The following TNC variants were observed in gnomAD, a reference collection of about 807,000 sequenced individuals.
The protein encoded by TNC is tenascin C, also known as tenascin.
Under a neutral mutation model 202.4 loss-of-function variants are expected in TNC, and 109 were observed. The ratio of observed to expected loss-of-function variants is 0.54; its 90% CI spans 0.46 to 0.63. The LOEUF is 0.63. Among genes scored for constraint, TNC ranks in the 30% least tolerant of loss-of-function variants. TNC has a pLI of 0.00. For missense variants in TNC, 2,756 were observed against 2,833.3 expected (o/e 0.97, Z 0.62); for synonymous variants, 1,007 against 1,089.7 (o/e 0.92, Z 1.50).
chr9:115,078,977 T>A (rs947087954), intron 6 of TNC, among the ~76,000 whole-genome samples: 10 of 152,226 alleles, frequency 6.6e-5, no homozygotes, highest in Non-Finnish European at 1.2e-4. Context: ...TGTCTCCTAA[T>A]GAGAAGCCTT....
rs1429925203 is a variant in TNC, at chr9:115,024,006, C to T, written c.6462G>A (p.Leu2154=). The T allele has an allele frequency of 6.2e-7, 1 of 1,614,000 alleles. No individual in the cohort carries two copies. Among genetic ancestry groups the T allele is most frequent in the East Asian group, 2.2e-5 (1 of 44,904 alleles). ...FWYRNCHRVN[L]MGRYGDNNHS... is the part of the protein sequence containing the mutation. The stretch of plus-strand genomic sequence containing the variant: ...GGTTATTGTCCCCATATCTCCCCAT[C>T]AGGTTGACACGGTGACAGTTCCTGT... Residue 2154 remains leucine (L), a synonymous_variant, in exon 27 of 28, where the codon CTG becomes CTA. Transcript: ENST00000350763.
At chr9:115,092,030 C>T (rs1835273216) in intron 1 of TNC, among the ~76,000 whole-genome samples, 1 of 152,082 alleles carries the variant, frequency 6.6e-6, no homozygotes, top group African/African-American at 2.4e-5. Flanking sequence ...AATATAAGAC[C>T]AAGTGTATAC....
chr9:115,029,405 C>A lies in TNC; in HGVS notation c.6124G>T (p.Ala2042Ser). ...GRENFYQNWK[A>S]YAAGFGDRRE... ...CGGTCCCCAAATCCAGCAGCATATG[C>A]CTTCCAGTTTTGGTAGAAGTTCTCG... is the stretch of plus-strand genomic sequence containing the variant. Residue 2042 changes from alanine (A) to serine (S), a missense_variant, in exon 25 of 28, where the codon GCA becomes TCA. By Grantham distance (99) the Ala-to-Ser change is moderately conservative (BLOSUM62 1). Transcript: ENST00000350763. 1.2e-6 allele frequency: 2 copies of A among 1,614,130 alleles called. No homozygotes were observed. The highest frequency in any genetic ancestry group is 8.5e-7 in the Non-Finnish European group (1 of 1,180,018).
At chr9:115,107,667 A>G (rs1453907877) in intron 1 of TNC, among the ~76,000 whole-genome samples, 1 of 152,128 alleles carries the variant, frequency 6.6e-6, no homozygotes, top group Non-Finnish European at 1.5e-5. Flanking sequence ...TTGAATCCTG[A>G]TTTATTTGTG....
At chr9:115,101,254 C>T (rs752474446) in intron 1 of TNC, among the ~76,000 whole-genome samples, 1 of 152,190 alleles carries the variant, frequency 6.6e-6, no homozygotes, top group Non-Finnish European at 1.5e-5. Context: ...CTCTGTTGCC[C>T]AGGCTGGAGT....
At chr9:115,030,140 A>G in intron 24 of TNC, 114 bp downstream of exon 24, 1 of 1,136,412 alleles carries the variant, frequency 8.8e-7, no homozygotes, top group Admixed American at 2.3e-5. Context: ...GCAAGGCCTC[A>G]CACATGGGGG....
intron 6 of TNC, among the ~76,000 whole-genome samples, chr9:115,078,619 A>C (rs943230372): frequency 7.2e-5 from 11 of 152,138 alleles, no homozygotes; most frequent in African/African-American, 2.2e-4. Context: ...TTAATTAGGC[A>C]AAACTTCCTG....
At chr9:115,046,011 T>C (rs1323346367) in intron 17 of TNC, among the ~76,000 whole-genome samples, 1 of 151,864 alleles carries the variant, frequency 6.6e-6, no homozygotes, top group Non-Finnish European at 1.5e-5. Flanking sequence ...AATGATGAGA[T>C]ATGATATGAT....
intron 12 of TNC, 147 bp downstream of exon 12, chr9:115,063,649 G>T: frequency 1.1e-6 from 1 of 905,540 alleles, no homozygotes; most frequent in Non-Finnish European, 1.6e-6. Context: ...AATAAGGGAT[G>T]TGACATTTAG....
At chr9:115,041,973 C>T (rs1830790455) in intron 18 of TNC, among the ~76,000 whole-genome samples, 1 of 152,160 alleles carries the variant, frequency 6.6e-6, no homozygotes, top group African/African-American at 2.4e-5. Context: ...AGATCTATTT[C>T]TCATAGAATT....
chr9:115,036,168 T>C lies in TNC; in HGVS notation c.5586A>G (p.Glu1862=). 6.2e-7 allele frequency: 1 copy of C among 1,614,150 alleles called. No homozygotes were observed. Among genetic ancestry groups the C allele is most frequent in the South Asian group, 1.1e-5 (1 of 91,078 alleles). The change falls in exon 21 of 28, where the codon GAA becomes GAG. Residue 1862 remains glutamate, a synonymous_variant. Coordinates refer to ENST00000350763, the MANE Select transcript of TNC (RefSeq NM_002160.4). Reference sequence around the variant, plus strand: ...TCTCTGCAAAGATTCTCAGTGTGTATTCCGTGGCAGGCTCGAGGTCGGTCA... The same window carrying C: ...TCTCTGCAAAGATTCTCAGTGTGTACTCCGTGGCAGGCTCGAGGTCGGTCA... ...YALTDLEPAT[E]YTLRIFAEKG...
rs777308252 is a variant in TNC, at chr9:115,095,492, GTA to G, written c.-136-4340_-136-4339del. 5.0e-4 allele frequency among the ~76,000 whole-genome samples: 6 copies of G among 12,114 alleles called. 1 individual carries two copies. The highest frequency in any genetic ancestry group is 1.8e-3 in the Admixed American group (1 of 556). 7.9% of individuals were successfully genotyped at this position (12,114 alleles called of 152,430 possible). A position where few individuals can be genotyped will look rare whatever the true frequency, so the allele number is the denominator to read the frequency against. ...TATGTATATATATGTATATATATAT[GTA>G]TATATATGTATATATATATGTATAT... is the stretch of plus-strand genomic sequence containing the variant. On this transcript the variant is annotated intron_variant, in intron 1 of 27. Transcript: ENST00000350763.
chr9:115,112,383 C>G (rs1474554558), intron 1 of TNC, among the ~76,000 whole-genome samples: 1 of 152,182 alleles, frequency 6.6e-6, no homozygotes, highest in East Asian at 1.9e-4. Flanking sequence ...AATAAAATTT[C>G]ATGAGGAGGC....
rs532775724 is a variant in TNC at position 115,026,573 on chromosome 9, G to A, written c.6292C>T (p.Arg2098Cys). ...TACCCCTCCACCTTCAGCTTGTAGCGAGTCTTGGCATCTCCCACGCTGAAC... is the reference window on the plus strand; with the variant it reads ...TACCCCTCCACCTTCAGCTTGTAGCAAGTCTTGGCATCTCCCACGCTGAAC... ...DKFSVGDAKT[R>C]YKLKVEGYSG... The change falls in exon 26 of 28, where the codon CGC (arginine) becomes TGC (cysteine). Residue 2098 changes from arginine to cysteine, a missense_variant. Transcript: ENST00000350763. 13 of 1,614,016 alleles carry A rather than the reference G, an allele frequency of 8.1e-6. No homozygotes were observed. Among genetic ancestry groups the A allele is most frequent in the Admixed American group, 5.0e-5 (3 of 60,010 alleles).
At chr9:115,082,614 A>T (rs1012940541) in intron 5 of TNC, 78 bp downstream of exon 5, 2 of 1,012,858 alleles carry the variant, frequency 2.0e-6, no homozygotes, top group African/African-American at 3.2e-5. Flanking sequence ...AAATTAGTTG[A>T]TACAGAAGTC....
At position 115,027,024 on chromosome 9, in the gene TNC, G is replaced by A. The variant is rs10982500; in HGVS notation, c.6170-329C>T. ...CTTGGGAGGCTGAGGCAGGAGAATC[G>A]CTTGAACCCGAGAGGCAGAAGTTGC... is the stretch of plus-strand genomic sequence containing the variant. On this transcript the variant is annotated intron_variant, in intron 25 of 27. Coordinates refer to ENST00000350763, the MANE Select transcript of TNC (RefSeq NM_002160.4). Among the ~76,000 whole-genome samples, 9 of 151,418 alleles carry A rather than the reference G, an allele frequency of 5.9e-5. No individual in the cohort carries two copies. The South Asian group carries it at 8.4e-4, about 14-fold the overall frequency.
chr9:115,039,787 G>T (rs959972433), intron 19 of TNC, among the ~76,000 whole-genome samples: 1 of 152,266 alleles, frequency 6.6e-6, no homozygotes, highest in African/African-American at 2.4e-5. Flanking sequence ...AACTGGTGAT[G>T]ACAATGGGGC....
At chr9:115,025,742 G>T (rs1207697415) in intron 26 of TNC, among the ~76,000 whole-genome samples, 3 of 152,198 alleles carry the variant, frequency 2.0e-5, no homozygotes, top group African/African-American at 7.2e-5. Context: ...AATGCAGGTG[G>T]AATATCTACA....
At chr9:115,073,535 C>G in intron 10 of TNC, 68 bp downstream of exon 10, 1 of 1,553,182 alleles carries the variant, frequency 6.4e-7, no homozygotes, top group South Asian at 1.2e-5. Context: ...GTGAGGACAC[C>G]CTGGCTGAGG....
Sources: allele counts gnomAD v4.1 joint callset (sites outside exome capture counted in the v4.1 genomes callset), GRCh38; gene constraint gnomAD v4.1.1; transcripts MANE v1.5; gene names NCBI Gene and HGNC (gene_info 2026-07-23, HGNC 2026-07-21).